ANKIB1: variants seen among roughly 807,000 people sequenced by gnomAD.
The protein encoded by ANKIB1 is ankyrin repeat and IBR domain-containing protein 1.
In ANKIB1, 43 loss-of-function variants were observed where a neutral mutation model predicts 122.1. That is an observed-to-expected ratio of 0.35 (90% CI 0.28 to 0.45). The LOEUF (loss-of-function observed/expected upper bound fraction) is 0.45. ANKIB1 is among the 20% of genes least tolerant of loss of function. The pLI is 1.00. For missense variants in ANKIB1, 992 were observed against 1,329.5 expected (o/e 0.75, Z 3.95); for synonymous variants, 390 against 442.0 (o/e 0.88, Z 1.48).
rs202208133 is a variant in ANKIB1, at chr7:92,398,374, G to T, written c.2695G>T (p.Val899Phe). The change falls in exon 20 of 20, where the codon GTC becomes TTC. Residue 899 changes from valine (V) to phenylalanine (F), a missense_variant. Coordinates refer to ENST00000265742, the MANE Select transcript of ANKIB1 (RefSeq NM_019004.2). ...TTCTTTACCTTCCAGGCTGGACTCTGTCCCCAGAAATACAGATAGCCCTCG... is the reference window on the plus strand; with the variant it reads ...TTCTTTACCTTCCAGGCTGGACTCTTTCCCCAGAAATACAGATAGCCCTCG... ...GTSLPSRLDS[V>F]PRNTDSPRAA... 6 of 1,613,232 alleles carry T rather than the reference G, an allele frequency of 3.7e-6. No homozygotes were observed. The East Asian group carries it at 1.3e-4, about 36-fold the overall frequency.
intron 7 of ANKIB1, 98 bp from the exon 8 acceptor site, chr7:92,350,852 G>C: frequency 8.1e-7 from 1 of 1,229,182 alleles, no homozygotes. Flanking sequence ...ATGAGACCCT[G>C]TCTCTAAAAA....
chr7:92,385,451 AT>A (rs1401146363), intron 11 of ANKIB1, among the ~76,000 whole-genome samples: 2 of 152,230 alleles, frequency 1.3e-5, no homozygotes, highest in African/African-American at 4.8e-5. Context: ...TTGCAGCACT[AT>A]TCACAATAGC....
intron 3 of ANKIB1, among the ~76,000 whole-genome samples, chr7:92,314,844 T>G (rs1485476392): frequency 1.3e-5 from 2 of 151,638 alleles, no homozygotes; most frequent in Non-Finnish European, 1.5e-5. Flanking sequence ...TTAGAAGGAG[T>G]GATAGGAGTT....
intron 15 of ANKIB1, among the ~76,000 whole-genome samples, chr7:92,390,924 A>G (rs1186363611): frequency 6.6e-6 from 1 of 152,188 alleles, no homozygotes; most frequent in Non-Finnish European, 1.5e-5. Flanking sequence ...ATTTCTATAA[A>G]TGCCTATCAA....
Position 92,351,014 on chromosome 7 carries a change from T to C in ANKIB1, c.1150T>C (p.Phe384Leu), listed in dbSNP as rs199589558. Residue 384 changes from phenylalanine to leucine, a missense_variant, in exon 8 of 20, where the codon TTC (phenylalanine) becomes CTC (leucine). Physicochemically the swap from Phe to Leu is conservative, Grantham distance 22. Around this residue, in one of 4 missense-constraint regions of ANKIB1, gnomAD observed 521 missense variants for 777.7 expected, o/e 0.67. Transcript: ENST00000265742. ...CATTTTTTGCCCTGCATATGATTGC[T>C]TCCAACTTGTACCTGTGGATATCAT... Reference protein sequence around the residue: ...HNIFCPAYDCFQLVPVDIIES... With the variant: ...HNIFCPAYDCLQLVPVDIIES... 8.7e-5 allele frequency: 139 copies of C among 1,605,338 alleles called. 1 individual carries two copies. The highest frequency in any genetic ancestry group is 1.3e-5 in the Non-Finnish European group (15 of 1,175,538).
rs530743999 is a variant in ANKIB1, at chr7:92,380,000, G to A, written c.1618-6509G>A. On this transcript the variant is annotated intron_variant, in intron 11 of 19. Coordinates refer to ENST00000265742, the MANE Select transcript of ANKIB1 (RefSeq NM_019004.2). ...GATTTCCCTTTCCTAGCCAAGAGAA[G>A]CCATGACAGGCTGTACCGGGAAAAT... Among the ~76,000 whole-genome samples the A allele has an allele frequency of 3.4e-4, 52 of 152,278 alleles. No homozygotes were observed. The South Asian group carries it at 0.011, about 32-fold the overall frequency.
chr7:92,291,778 A>G lies in ANKIB1; in HGVS notation c.-90-3111A>G, dbSNP rs559748228. On this transcript the variant is annotated intron_variant, in intron 1 of 19. Transcript: ENST00000265742. Reference sequence around the variant, plus strand: ...TTTTTAGTAGAGACGGGGTTTCACTATTTGGCCAGGCTGGTCTTGAACGCC... The same window carrying G: ...TTTTTAGTAGAGACGGGGTTTCACTGTTTGGCCAGGCTGGTCTTGAACGCC... 4.4e-3 allele frequency among the ~76,000 whole-genome samples: 674 copies of G among 151,996 alleles called. 1 individual carries two copies. The highest frequency in any genetic ancestry group is 7.4e-3 in the Non-Finnish European group (502 of 67,936).
chr7:92,338,043 G>T (rs944812577), intron 5 of ANKIB1, among the ~76,000 whole-genome samples: 11 of 151,988 alleles, frequency 7.2e-5, no homozygotes, highest in Non-Finnish European at 1.2e-4. Flanking sequence ...ATGTTTTGTG[G>T]GTGTAGTTTA....
At chr7:92,384,107 C>G (rs1804580814) in intron 11 of ANKIB1, among the ~76,000 whole-genome samples, 2 of 151,544 alleles carry the variant, frequency 1.3e-5, no homozygotes. Flanking sequence ...AGACAAACAG[C>G]CAAATCATGA....
intron 11 of ANKIB1, among the ~76,000 whole-genome samples, chr7:92,380,731 C>A (rs1348458835): frequency 6.6e-6 from 1 of 152,196 alleles, no homozygotes; most frequent in East Asian, 1.9e-4. Flanking sequence ...AGGACATCCA[C>A]ACCAAAACCC....
chr7:92,358,590 G>T (rs1320001576), intron 9 of ANKIB1, among the ~76,000 whole-genome samples: 9 of 58,130 alleles, frequency 1.5e-4, no homozygotes, highest in South Asian at 9.7e-4. Flanking sequence ...GTTCCCCCAT[G>T]ATTCTTTTTT....
At chr7:92,363,026 A>G (rs1032834467) in intron 10 of ANKIB1, among the ~76,000 whole-genome samples, 1 of 152,118 alleles carries the variant, frequency 6.6e-6, no homozygotes, top group Non-Finnish European at 1.5e-5. Flanking sequence ...CAAAAAATAT[A>G]AGTGAAAATT....
At chr7:92,348,546 A>G (rs1048883635) in intron 7 of ANKIB1, among the ~76,000 whole-genome samples, 2 of 151,986 alleles carry the variant, frequency 1.3e-5, no homozygotes, top group Non-Finnish European at 2.9e-5. Context: ...GCACCATGCC[A>G]AGCTAATTTT....
At chr7:92,364,805 T>C (rs1804036204) in intron 10 of ANKIB1, among the ~76,000 whole-genome samples, 1 of 152,156 alleles carries the variant, frequency 6.6e-6, no homozygotes, top group African/African-American at 2.4e-5. Flanking sequence ...CTGATGAGTA[T>C]GAAGGGTGAA....
intron 2 of ANKIB1, among the ~76,000 whole-genome samples, chr7:92,296,884 G>C (rs1299629764): frequency 6.6e-6 from 1 of 151,926 alleles, no homozygotes; most frequent in Non-Finnish European, 1.5e-5. Context: ...GATTTTTATA[G>C]GTATTTCTTT....
Position 92,360,243 on chromosome 7 carries a change from A to G in ANKIB1, c.1398-1942A>G, listed in dbSNP as rs1033629304. Among the ~76,000 whole-genome samples, 50 of 152,150 alleles carry G rather than the reference A, an allele frequency of 3.3e-4. 1 individual carries two copies. Among genetic ancestry groups the G allele is most frequent in the African/African-American group, 1.1e-3 (47 of 41,432 alleles). ...TAACTCCCCATCCTCTCCTCCCCCA[A>G]GCTGGTAACAACCACTCTACTTTCT... On this transcript the variant is annotated intron_variant, in intron 9 of 19. Transcript: ENST00000265742.
intron 1 of ANKIB1, among the ~76,000 whole-genome samples, chr7:92,247,295 A>G (rs1443611664): frequency 1.3e-5 from 2 of 152,162 alleles, no homozygotes; most frequent in Admixed American, 6.5e-5. Flanking sequence ...TTAGTGTTCT[A>G]ATTTTCATCT....
At chr7:92,292,559 A>G (rs1440850556) in intron 1 of ANKIB1, among the ~76,000 whole-genome samples, 1 of 152,150 alleles carries the variant, frequency 6.6e-6, no homozygotes, top group Non-Finnish European at 1.5e-5. Flanking sequence ...AAATGTTTAT[A>G]ATTTGTGTTT....
chr7:92,379,822 A>G (rs745495634), intron 11 of ANKIB1, among the ~76,000 whole-genome samples: 1 of 152,208 alleles, frequency 6.6e-6, no homozygotes, highest in Non-Finnish European at 1.5e-5. Context: ...TGTAGCTCCA[A>G]TGATCGACAC....
Sources: allele counts gnomAD v4.1 joint callset (sites outside exome capture counted in the v4.1 genomes callset), GRCh38; gene constraint gnomAD v4.1.1; regional missense constraint gnomAD v4.1.1; transcripts MANE v1.5; gene names NCBI Gene and HGNC (gene_info 2026-07-23, HGNC 2026-07-21).